CACNB3: variants seen among roughly 807,000 people sequenced by gnomAD.
CACNB3 encodes voltage-dependent L-type calcium channel subunit beta-3.
A neutral mutation model predicts 63.7 loss-of-function variants in CACNB3; 36 were observed. The ratio of observed to expected loss-of-function variants is 0.57; its 90% CI spans 0.43 to 0.75. The LOEUF (loss-of-function observed/expected upper bound fraction) is 0.75. Among genes scored for constraint, CACNB3 ranks in the 30% least tolerant of loss-of-function variants. The pLI is 0.00. For synonymous variants in CACNB3, 241 were observed against 250.6 expected (o/e 0.96, Z 0.36); for missense variants, 493 against 648.6 (o/e 0.76, Z 2.61).
chr12:48,823,642 G>A lies in CACNB3; in HGVS notation c.169-39G>A, dbSNP rs773568601. 9.9e-6 allele frequency: 16 copies of A among 1,613,716 alleles called. No individual in the cohort carries two copies. The highest frequency in any genetic ancestry group is 1.6e-4 in the Middle Eastern group (1 of 6,070). The stretch of plus-strand genomic sequence containing the variant: ...GCACTGAAGCTGGAAGGGGTGCTTC[G>A]AGCCTTCTCTCACTTGCACTAATGG... On this transcript the variant is annotated intron_variant, in intron 2 of 12. Transcript: ENST00000301050. The surrounding 1 kb of genome is among the most constrained non-coding windows in gnomAD (Gnocchi z 4.2).
In CACNB3 at chr12:48,823,834, T is replaced by C; in HGVS notation, c.291+31T>C. The C allele has an allele frequency of 6.2e-7, 1 of 1,613,076 alleles. No individual in the cohort carries two copies. Among genetic ancestry groups the C allele is most frequent in the Non-Finnish European group, 8.5e-7 (1 of 1,179,592 alleles). ...CGACCCCCCTACTTCCAGAAGCCTC[T>C]AACTTCATTTTCTTGCTCTTGCTCC... On this transcript the variant is annotated intron_variant, in intron 3 of 12. Transcript: ENST00000301050. The surrounding 1 kb of genome is among the most constrained non-coding windows in gnomAD (Gnocchi z 4.2).
chr12:48,818,154 C>A (rs1427723807), upstream of CACNB3, among the ~76,000 whole-genome samples: 1 of 152,182 alleles, frequency 6.6e-6, no homozygotes. This position sits in a 1 kb window ranked among gnomAD's most constrained non-coding sequence, Gnocchi z 4.3. Context: ...GCTTTCGGAG[C>A]CTCCGGGACG....
In CACNB3 at chr12:48,824,746, CA is replaced by C; in HGVS notation, c.472+15del. On this transcript the variant is annotated intron_variant, in intron 5 of 12. Transcript: ENST00000301050. ...CCGCCATCTCTAGGTAGCCTCCCCC[CA>C]ACCCACCCATTTTGGGTAGGTGGGT... 1 of 1,613,180 alleles carries C rather than the reference CA, an allele frequency of 6.2e-7. No individual in the cohort carries two copies. Among genetic ancestry groups the C allele is most frequent in the Non-Finnish European group, 8.5e-7 (1 of 1,179,528 alleles).
In CACNB3 at chr12:48,823,659, C is replaced by A. The variant is rs562938723; in HGVS notation, c.169-22C>A. ...GGTGCTTCGAGCCTTCTCTCACTTGCACTAATGGGCAAATTCTCCAGCACA... is the reference window on the plus strand; with the variant it reads ...GGTGCTTCGAGCCTTCTCTCACTTGAACTAATGGGCAAATTCTCCAGCACA... On this transcript the variant is annotated intron_variant, in intron 2 of 12. Coordinates refer to ENST00000301050, the MANE Select transcript of CACNB3 (RefSeq NM_000725.4). This position sits in a 1 kb window ranked among gnomAD's most constrained non-coding sequence, Gnocchi z 4.2. 1 of 1,614,026 alleles carries A rather than the reference C, an allele frequency of 6.2e-7. No homozygotes were observed. The highest frequency in any genetic ancestry group is 8.5e-7 in the Non-Finnish European group (1 of 1,179,994).
chr12:48,823,096 C>G lies in CACNB3; in HGVS notation c.46-248C>G, dbSNP rs1937940984. On this transcript the variant is annotated intron_variant, in intron 1 of 12. Transcript: ENST00000301050. The surrounding 1 kb of genome is among the most constrained non-coding windows in gnomAD (Gnocchi z 4.2). Reference sequence around the variant, plus strand: ...AGAGAAGTGAAGGCTCTATTCAAAGCTGCAGTATTAATAGGCTTGGGGGAG... The same window carrying G: ...AGAGAAGTGAAGGCTCTATTCAAAGGTGCAGTATTAATAGGCTTGGGGGAG... 6.6e-6 allele frequency among the ~76,000 whole-genome samples: 1 copy of G among 152,200 alleles called. No homozygotes were observed.
chr12:48,819,078 G>C, intron 1 of CACNB3, 104 bp downstream of exon 1: 1 of 1,288,626 alleles, frequency 7.8e-7, no homozygotes, highest in South Asian at 1.3e-5. Context: ...CTCAGTGGCA[G>C]GGCAGGGTTT....
At position 48,818,721 on chromosome 12, in the gene CACNB3, G is replaced by C; in HGVS notation, c.-209G>C. 14 of 1,287,400 alleles carry C rather than the reference G, an allele frequency of 1.1e-5. No homozygotes were observed. The highest frequency in any genetic ancestry group is 2.2e-5 in the South Asian group (1 of 44,944). 79.7% of individuals were successfully genotyped at this position (1,287,400 alleles called of 1,614,324 possible). ...CTCGGGGTGGGACCGGCTGGGTTTG[G>C]GGGGGTGGGGTGGGGGGAGCGGTGA... On this transcript the variant is annotated 5_prime_UTR_variant, in exon 1 of 13. Transcript: ENST00000301050. The surrounding 1 kb of genome is among the most constrained non-coding windows in gnomAD (Gnocchi z 4.3).
intron 12 of CACNB3, 80 bp downstream of exon 12, chr12:48,827,203 G>A: frequency 6.6e-7 from 1 of 1,526,046 alleles, no homozygotes; most frequent in East Asian, 2.3e-5. Flanking sequence ...GACTGTCCTT[G>A]GCCTCCAGTT....
At chr12:48,827,362 C>T (rs1163515815) in intron 12 of CACNB3, among the ~76,000 whole-genome samples, 1 of 152,214 alleles carries the variant, frequency 6.6e-6, no homozygotes, top group Non-Finnish European at 1.5e-5. Context: ...AACACAATCT[C>T]CAAACCTTCT....
chr12:48,826,710 G>A lies in CACNB3; in HGVS notation c.895-49G>A, dbSNP rs112267797. On this transcript the variant is annotated intron_variant, in intron 10 of 12. Transcript: ENST00000301050. The surrounding 1 kb of genome is among the most constrained non-coding windows in gnomAD (Gnocchi z 4.8). ...CCTAGCTCTGCCCGGGCTCAGCTCTGCCCAGAGTCCTGAGAGACTCCAGGC... is the reference window on the plus strand; with the variant it reads ...CCTAGCTCTGCCCGGGCTCAGCTCTACCCAGAGTCCTGAGAGACTCCAGGC... 3,323 of 1,533,832 alleles carry A rather than the reference G, an allele frequency of 2.2e-3. 59 individuals carry two copies. In the African/African-American group the frequency reaches 0.034, roughly 15 times the overall value.
Position 48,827,079 on chromosome 12 carries a change from G to C in CACNB3, c.1096G>C (p.Gly366Arg). 1 of 1,613,284 alleles carries C rather than the reference G, an allele frequency of 6.2e-7. No homozygotes were observed. Among genetic ancestry groups the C allele is most frequent in the South Asian group, 1.1e-5 (1 of 91,046 alleles). Residue 366 changes from glycine to arginine, a missense_variant, in exon 12 of 13, where the codon GGC becomes CGC. Physicochemically the swap from Gly to Arg is moderately radical, Grantham distance 125. Transcript: ENST00000301050. ...GCGGGCCACGCACCACCCAGCCCCTGGCCCCGGACTTCTGGGTCCTCCCAG... is the reference window on the plus strand; with the variant it reads ...GCGGGCCACGCACCACCCAGCCCCTCGCCCCGGACTTCTGGGTCCTCCCAG... ...YWRATHHPAPGPGLLGPPSAI... is the reference protein window; with the variant it reads ...YWRATHHPAPRPGLLGPPSAI...
In CACNB3 at chr12:48,825,772, G is replaced by A; in HGVS notation, c.742+3G>A. On this transcript the variant is annotated splice_donor_region_variant and intron_variant, in intron 9 of 12. Transcript: ENST00000301050. This position sits in a 1 kb window ranked among gnomAD's most constrained non-coding sequence, Gnocchi z 4.5. ...CTCCTCTGCCCGCTCCAGCATTGGT[G>A]AGAAGTCCCCACCACCTGCTTCTGT... 1 of 1,608,574 alleles carries A rather than the reference G, an allele frequency of 6.2e-7. No individual in the cohort carries two copies.
rs368246224 is a variant in CACNB3, at chr12:48,825,898, G to T, written c.742+129G>T. On this transcript the variant is annotated intron_variant, in intron 9 of 12. Transcript: ENST00000301050. This position sits in a 1 kb window ranked among gnomAD's most constrained non-coding sequence, Gnocchi z 4.5. ...GGCTGGAGTGCAGTGGTGAGATCTCGGCTCACTGCAACCTCCACCTCCTGG... is the reference window on the plus strand; with the variant it reads ...GGCTGGAGTGCAGTGGTGAGATCTCTGCTCACTGCAACCTCCACCTCCTGG... 2,516 of 624,580 alleles carry T rather than the reference G, an allele frequency of 4.0e-3. 50 individuals carry two copies. The African/African-American group carries it at 0.046, about 11-fold the overall frequency. The allele number at this position is 624,580 out of a possible 1,614,324, so 38.7% of individuals were successfully genotyped here. A position where few individuals can be genotyped will look rare whatever the true frequency, so the allele number is the denominator to read the frequency against.
rs979584122 is a variant in CACNB3, at chr12:48,828,666, TAGG to T, written c.*768_*770del. On this transcript the variant is annotated 3_prime_UTR_variant, in exon 13 of 13. Transcript: ENST00000301050. ...AGGAGGGCATGTGTAGCAGAGAACT[TAGG>T]GGGGCCTCCTTGCCTTTCTCATTCT... The T allele has an allele frequency of 2.2e-6, 1 of 456,390 alleles. No individual in the cohort carries two copies. The highest frequency in any genetic ancestry group is 3.3e-4 in the Middle Eastern group (1 of 3,054). 28.3% of individuals were successfully genotyped at this position (456,390 alleles called of 1,614,324 possible).
chr12:48,824,155 C>T (rs1490486873), intron 3 of CACNB3, 103 bp from the exon 4 acceptor site: 4 of 986,398 alleles, frequency 4.1e-6, no homozygotes, highest in African/African-American at 1.6e-5. Context: ...TTGCATTCCT[C>T]AGACCAGCTC....
At chr12:48,827,478 T>G in intron 12 of CACNB3, 107 bp from the exon 13 acceptor site, 1 of 1,100,616 alleles carries the variant, frequency 9.1e-7, no homozygotes, top group Non-Finnish European at 1.3e-6. Flanking sequence ...CTTGCACTAT[T>G]TCCTTTACCG....
chr12:48,826,642 G>C lies in CACNB3; in HGVS notation c.895-117G>C. The C allele has an allele frequency of 7.0e-7, 1 of 1,432,850 alleles. No individual in the cohort carries two copies. Among genetic ancestry groups the C allele is most frequent in the Non-Finnish European group, 9.8e-7 (1 of 1,020,838 alleles). The allele number at this position is 1,432,850 out of a possible 1,614,324, so 88.8% of individuals were successfully genotyped here. ...TTCCTGCTGCCCTTAACACAACTCT[G>C]AGTCATCCTCACCTGCTACTGATGC... On this transcript the variant is annotated intron_variant, in intron 10 of 12. Coordinates refer to ENST00000301050, the MANE Select transcript of CACNB3 (RefSeq NM_000725.4). This position sits in a 1 kb window ranked among gnomAD's most constrained non-coding sequence, Gnocchi z 4.8.
chr12:48,814,501 C>A (rs1238704406), upstream of CACNB3: 2 of 1,530,582 alleles, frequency 1.3e-6, no homozygotes, highest in South Asian at 2.4e-5. The surrounding 1 kb of genome is among the most constrained non-coding windows in gnomAD (Gnocchi z 6.9). Flanking sequence ...TGCCCAGTCC[C>A]GGCCAGGACG....
At position 48,826,278 on chromosome 12, in the gene CACNB3, C is replaced by A; in HGVS notation, c.743-89C>A. On this transcript the variant is annotated intron_variant, in intron 9 of 12. Transcript: ENST00000301050. The surrounding 1 kb of genome is among the most constrained non-coding windows in gnomAD (Gnocchi z 4.8). ...GAATGCCCTTTTCCTCCAATTCCTT[C>A]CTGTCCACCATTCGGGAGCCCTCAA... is the stretch of plus-strand genomic sequence containing the variant. The A allele has an allele frequency of 7.4e-7, 1 of 1,344,874 alleles. No individual in the cohort carries two copies. 83.3% of individuals were successfully genotyped at this position (1,344,874 alleles called of 1,614,324 possible). A position where few individuals can be genotyped will look rare whatever the true frequency, so the allele number is the denominator to read the frequency against.
Sources: gnomAD v4.1 joint callset for allele counts (sites outside exome capture counted in the v4.1 genomes callset) on GRCh38, gnomAD v4.1.1 for gene constraint, Gnocchi (gnomAD v3.1) non-coding constraint, MANE v1.5 for transcripts, NCBI Gene and HGNC (gene_info 2026-07-23, HGNC 2026-07-21) for gene names.